Variants in ERAP1 observed in about 807,000 individuals in gnomAD.
ERAP1 encodes the protein adipocyte-derived leucine aminopeptidase.
ERAP1 carries 86 observed loss-of-function variants against 103.7 expected under a neutral mutation model. The ratio of observed to expected loss-of-function variants is 0.83; its 90% CI spans 0.70 to 0.99. ERAP1 has a LOEUF of 0.99. ERAP1 is among the 50% of genes least tolerant of loss of function. ERAP1 has a pLI of 0.00. For synonymous variants in ERAP1, 398 were observed against 402.4 expected, an observed-to-expected ratio of 0.99 and a Z score of 0.13; for missense variants, 1,009 against 1,128.4, an observed-to-expected ratio of 0.89 and a Z score of 1.52.
chr5:96,917,290 T>G, the ERAP1 span, among the ~76,000 whole-genome samples: 1 of 152,040 alleles, frequency 6.6e-6, no homozygotes, highest in South Asian at 2.1e-4. Context: ...TTGTTGTTGT[T>G]GTTATTTTTT....
the ERAP1 span, chr5:96,912,926 T>C: frequency 1.4e-6 from 1 of 720,596 alleles, no homozygotes; most frequent in African/African-American, 1.9e-5. Flanking sequence ...GCTTTAACTT[T>C]ACTTTCAGAA....
chr5:96,783,848 C>CAT (rs1262742610), intron 14 of ERAP1, 76 bp downstream of exon 14: 3 of 394,834 alleles, frequency 7.6e-6, no homozygotes, highest in African/African-American at 1.4e-4. Flanking sequence ...CACACACACA[C>CAT]ACACACATAC....
chr5:96,921,573 G>C, the ERAP1 span, among the ~76,000 whole-genome samples: 1 of 152,170 alleles, frequency 6.6e-6, no homozygotes, highest in Non-Finnish European at 1.5e-5. Flanking sequence ...TTTCTTACTC[G>C]TTTCTACAAT....
chr5:96,884,068 ATCTATCTAT>A, the ERAP1 span: 4 of 657,564 alleles, frequency 6.1e-6, no homozygotes, highest in Non-Finnish European at 7.3e-6. Flanking sequence ...CTATCTATCT[ATCTATCTAT>A]CTATCATCAT....
At chr5:96,797,953 G>A (rs1777528593) in intron 3 of ERAP1, among the ~76,000 whole-genome samples, 1 of 152,046 alleles carries the variant, frequency 6.6e-6, no homozygotes, top group Admixed American at 6.6e-5. Context: ...ATGCAATGTC[G>A]AGCTGTTGAG....
At chr5:96,812,385 A>G (rs991388941), upstream of ERAP1, among the ~76,000 whole-genome samples, 6 of 152,256 alleles carry the variant, frequency 3.9e-5, no homozygotes, top group South Asian at 2.1e-4. Context: ...GATATTGTCA[A>G]TATGAACAGA....
the ERAP1 span, among the ~76,000 whole-genome samples, chr5:96,893,040 A>G: frequency 2.0e-5 from 3 of 152,164 alleles, no homozygotes; most frequent in Non-Finnish European, 4.4e-5. Flanking sequence ...CGGATCACAT[A>G]GTAAGCACTC....
At chr5:96,867,384 A>G in the ERAP1 span, among the ~76,000 whole-genome samples, 3 of 152,200 alleles carry the variant, frequency 2.0e-5, no homozygotes, top group Non-Finnish European at 2.9e-5. Context: ...TTAAAGCAAC[A>G]ATAATTATTT....
the ERAP1 span, among the ~76,000 whole-genome samples, chr5:96,826,369 T>C: frequency 1.3e-5 from 2 of 152,334 alleles, no homozygotes; most frequent in South Asian, 2.1e-4. Context: ...CAGAGAGAAT[T>C]TCTGAAAGCT....
rs963276043 is a variant in ERAP1, at chr5:96,776,056, C to G, written c.*340G>C. 9.1e-6 allele frequency: 11 copies of G among 1,206,042 alleles called. No homozygotes were observed. The highest frequency in any genetic ancestry group is 4.7e-5 in the African/African-American group (3 of 63,738). 74.7% of individuals were successfully genotyped at this position (1,206,042 alleles called of 1,614,324 possible). ...GAGTCTTTCGAGGAGACTGATGAAA[C>G]AGTTTATGAATGATAAACATGGGGT... is the stretch of plus-strand genomic sequence containing the variant. On this transcript the variant is annotated 3_prime_UTR_variant, in exon 19 of 19. Transcript: ENST00000443439.
At chr5:96,820,316 C>T in the ERAP1 span, among the ~76,000 whole-genome samples, 1 of 151,878 alleles carries the variant, frequency 6.6e-6, no homozygotes, top group South Asian at 2.1e-4. Flanking sequence ...ATCTCATTTT[C>T]AGAATTAGTA....
At chr5:96,801,108 C>T in intron 2 of ERAP1, 108 bp from the exon 3 acceptor site, 1 of 1,275,140 alleles carries the variant, frequency 7.8e-7, no homozygotes, top group Non-Finnish European at 1.1e-6. Context: ...ATGGATTTTG[C>T]TACTAAAAAA....
intron 1 of ERAP1, among the ~76,000 whole-genome samples, chr5:96,807,081 A>G (rs960955758): frequency 1.3e-5 from 2 of 152,188 alleles, no homozygotes; most frequent in African/African-American, 4.8e-5. Flanking sequence ...CCTAGCCTAC[A>G]CAAAGAAATC....
the ERAP1 span, chr5:96,881,448 C>T: frequency 4.4e-6 from 2 of 456,204 alleles, no homozygotes; most frequent in Non-Finnish European, 8.8e-6. Context: ...GAGTGGACGG[C>T]TTGGTTTCCC....
the ERAP1 span, among the ~76,000 whole-genome samples, chr5:96,866,281 G>A: frequency 1.3e-5 from 2 of 152,266 alleles, no homozygotes; most frequent in Admixed American, 6.5e-5. Flanking sequence ...TGCAATTAAT[G>A]TGTGTACAAG....
the ERAP1 span, among the ~76,000 whole-genome samples, chr5:96,866,914 T>C: frequency 1.3e-5 from 2 of 152,190 alleles, no homozygotes; most frequent in Non-Finnish European, 1.5e-5. Context: ...CTACGTTTCC[T>C]TGATGAGTGA....
At chr5:96,778,989 A>G (rs1774762759) in intron 18 of ERAP1, among the ~76,000 whole-genome samples, 1 of 152,146 alleles carries the variant, frequency 6.6e-6, no homozygotes, top group African/African-American at 2.4e-5. Flanking sequence ...TTCGCACCTG[A>G]TATTTCCTCT....
intron 18 of ERAP1, chr5:96,779,280 A>G (rs1485021396): frequency 6.6e-6 from 1 of 152,256 alleles, no homozygotes; most frequent in Non-Finnish European, 1.5e-5. Flanking sequence ...GAATGAATTA[A>G]TGAGAATACA....
At chr5:96,829,934 G>A in the ERAP1 span, among the ~76,000 whole-genome samples, 11 of 152,272 alleles carry the variant, frequency 7.2e-5, no homozygotes, top group South Asian at 2.1e-3. Flanking sequence ...GACAGACTAC[G>A]TAAATTGAAC....
Sources: gnomAD v4.1 joint callset for allele counts (sites outside exome capture counted in the v4.1 genomes callset) on GRCh38, gnomAD v4.1.1 for gene constraint, MANE v1.5 for transcripts, NCBI Gene and HGNC (gene_info 2026-07-23, HGNC 2026-07-21) for gene names.